Variants in DTD1 observed in about 807,000 individuals in gnomAD.
DTD1 encodes D-tyrosyl-tRNA deacylase 1 homolog.
A neutral mutation model predicts 25.6 loss-of-function variants in DTD1; 13 were observed. That is an observed-to-expected ratio of 0.51 (90% CI 0.33 to 0.81). The LOEUF (loss-of-function observed/expected upper bound fraction) is 0.81. DTD1 is among the 30% of genes least tolerant of loss of function. The pLI is 0.02. For synonymous variants in DTD1, 110 were observed against 103.6 expected (o/e 1.06, Z -0.37); for missense variants, 193 against 266.4 (o/e 0.72, Z 1.92).
At chr20:18,724,926 A>C (rs1180391564) in intron 4 of DTD1, among the ~76,000 whole-genome samples, 1 of 152,200 alleles carries the variant, frequency 6.6e-6, no homozygotes, top group African/African-American at 2.4e-5. Context: ...TTGTTCTTTC[A>C]GTGGTGGAAT....
At chr20:18,746,409 T>G (rs2061300425) in intron 5 of DTD1, among the ~76,000 whole-genome samples, 1 of 152,114 alleles carries the variant, frequency 6.6e-6, no homozygotes, top group Admixed American at 6.5e-5. Context: ...GGAAGTGAGA[T>G]ATATTAGGCC....
rs1568677012 is a variant in DTD1 at position 18,708,298 on chromosome 20, A to ATATATATTATATACATATTT, written c.478-35795_478-35794insTATATACATATTTTATATAT. Among the ~76,000 whole-genome samples the ATATATATTATATACATATTT allele has an allele frequency of 3.2e-4, 14 of 43,192 alleles. 1 individual carries two copies. The highest frequency in any genetic ancestry group is 1.3e-3 in the African/African-American group (14 of 10,788). The allele number at this position is 43,192 out of a possible 152,430, so 28.3% of individuals were successfully genotyped here. ...ATATAATATATATTATATATATATAATATATATATTTTATATATATATTAT... is the reference window on the plus strand; with the variant it reads ...ATATAATATATATTATATATATATAATATATATTATATACATATTTTATATATATTTTATATATATATTAT... On this transcript the variant is annotated intron_variant, in intron 4 of 5. Coordinates refer to ENST00000377452, the MANE Select transcript of DTD1 (RefSeq NM_080820.6).
At chr20:18,707,759 GCA>G (rs142535142) in intron 4 of DTD1, among the ~76,000 whole-genome samples, 26 of 151,578 alleles carry the variant, frequency 1.7e-4, no homozygotes, top group African/African-American at 5.6e-4. Context: ...ACACACGCGC[GCA>G]CACACACACA....
At chr20:18,760,284 G>T (rs1001343302) in intron 5 of DTD1, among the ~76,000 whole-genome samples, 1 of 152,190 alleles carries the variant, frequency 6.6e-6, no homozygotes, top group Non-Finnish European at 1.5e-5. Flanking sequence ...GTGAGGAGCT[G>T]CATTCTTTTG....
chr20:18,637,863 G>A (rs1310605732), intron 4 of DTD1, among the ~76,000 whole-genome samples: 3 of 152,184 alleles, frequency 2.0e-5, no homozygotes, highest in African/African-American at 4.8e-5. Context: ...TCATGAATAA[G>A]TATCACAATT....
At chr20:18,687,093 G>T (rs542546714) in intron 4 of DTD1, among the ~76,000 whole-genome samples, 1 of 152,346 alleles carries the variant, frequency 6.6e-6, no homozygotes, top group African/African-American at 2.4e-5. Context: ...AGGTGATGGA[G>T]AAAATTCAGG....
At chr20:18,687,111 G>T (rs2061020073) in intron 4 of DTD1, among the ~76,000 whole-genome samples, 4 of 152,364 alleles carry the variant, frequency 2.6e-5, no homozygotes, top group Non-Finnish European at 5.9e-5. Flanking sequence ...AGGCAGAGGA[G>T]AAGGATGGGG....
chr20:18,639,723 A>C (rs547276058), intron 4 of DTD1, among the ~76,000 whole-genome samples: 2 of 152,338 alleles, frequency 1.3e-5, no homozygotes, highest in South Asian at 4.1e-4. Flanking sequence ...TTTTCCATAA[A>C]ATGTGAAGTC....
chr20:18,676,143 C>T (rs113054615), intron 4 of DTD1, among the ~76,000 whole-genome samples: 3 of 152,082 alleles, frequency 2.0e-5, no homozygotes, highest in African/African-American at 7.2e-5. Context: ...GCCATGTAGC[C>T]CAGGTTGATG....
chr20:18,684,750 A>C (rs2061010227), intron 4 of DTD1, among the ~76,000 whole-genome samples: 2 of 152,106 alleles, frequency 1.3e-5, no homozygotes, highest in Non-Finnish European at 2.9e-5. Flanking sequence ...AAAAGTCTTT[A>C]ATTTTCAGTT....
intron 4 of DTD1, among the ~76,000 whole-genome samples, chr20:18,738,065 C>T (rs1364751113): frequency 6.6e-6 from 1 of 152,198 alleles, no homozygotes; most frequent in East Asian, 1.9e-4. Context: ...ATTATTTTTC[C>T]AGTGGACAGT....
chr20:18,642,143 G>T (rs1330619471), intron 4 of DTD1, among the ~76,000 whole-genome samples: 1 of 152,114 alleles, frequency 6.6e-6, no homozygotes, highest in Non-Finnish European at 1.5e-5. Flanking sequence ...TTGGCCTGAT[G>T]CCTTCTCACC....
In DTD1 at chr20:18,666,997, G is replaced by A. The variant is rs879720415; in HGVS notation, c.477+38764G>A. On this transcript the variant is annotated intron_variant, in intron 4 of 5. Coordinates refer to ENST00000377452, the MANE Select transcript of DTD1 (RefSeq NM_080820.6). Reference sequence around the variant, plus strand: ...GAAGCAGCCCCAGGTGACTAAAGCAGCAGCCAGCCAAACGGTTCCATCCAG... The same window carrying A: ...GAAGCAGCCCCAGGTGACTAAAGCAACAGCCAGCCAAACGGTTCCATCCAG... Among the ~76,000 whole-genome samples the A allele has an allele frequency of 5.9e-5, 9 of 152,242 alleles. 1 individual carries two copies. Among genetic ancestry groups the A allele is most frequent in the Admixed American group, 4.6e-4 (7 of 15,290 alleles).
intron 5 of DTD1, among the ~76,000 whole-genome samples, chr20:18,759,080 A>G (rs1417478430): frequency 6.6e-6 from 1 of 150,954 alleles, no homozygotes; most frequent in South Asian, 2.1e-4. Flanking sequence ...TTGTTTTTTC[A>G]TTTGCTTGGT....
At chr20:18,656,635 C>G (rs1306007836) in intron 4 of DTD1, among the ~76,000 whole-genome samples, 3 of 152,186 alleles carry the variant, frequency 2.0e-5, no homozygotes, top group Admixed American at 1.3e-4. Flanking sequence ...AGAGTAGGTG[C>G]CATTGTAGAT....
chr20:18,660,505 G>A (rs2060905933), intron 4 of DTD1, among the ~76,000 whole-genome samples: 1 of 152,128 alleles, frequency 6.6e-6, no homozygotes, highest in Non-Finnish European at 1.5e-5. Flanking sequence ...ACAGGCATGA[G>A]CCACCGTGGG....
intron 4 of DTD1, among the ~76,000 whole-genome samples, chr20:18,663,526 A>G (rs1422480250): frequency 1.3e-5 from 2 of 152,198 alleles, no homozygotes; most frequent in South Asian, 2.1e-4. Flanking sequence ...TGGTTCATCT[A>G]TATATCCACA....
chr20:18,710,890 C>T (rs1303541947), intron 4 of DTD1, among the ~76,000 whole-genome samples: 2 of 152,280 alleles, frequency 1.3e-5, no homozygotes, highest in Admixed American at 6.5e-5. Context: ...GTGTTCTCTC[C>T]TTTGGCCATT....
At chr20:18,593,612 T>C (rs2060599027) in intron 1 of DTD1, 119 bp from the exon 2 acceptor site, 1 of 710,370 alleles carries the variant, frequency 1.4e-6, no homozygotes, top group African/African-American at 1.8e-5. Flanking sequence ...CGTACTGACT[T>C]TAACCAAAGA....
Sources: gnomAD v4.1 joint callset for allele counts (sites outside exome capture counted in the v4.1 genomes callset) on GRCh38, gnomAD v4.1.1 for gene constraint, MANE v1.5 for transcripts, NCBI Gene and HGNC (gene_info 2026-07-23, HGNC 2026-07-21) for gene names.